Variants in LRFN2 observed in about 807,000 individuals in gnomAD.
LRFN2 encodes the protein leucine rich repeat and fibronectin type III domain containing 2.
Under a neutral mutation model 37.3 loss-of-function variants are expected in LRFN2, and 18 were observed. The ratio of observed to expected loss-of-function variants is 0.48; its 90% CI spans 0.33 to 0.72. The LOEUF (loss-of-function observed/expected upper bound fraction) is 0.72, where lower values mean the gene tolerates loss of function less well. Among genes scored for constraint, LRFN2 ranks in the 30% least tolerant of loss-of-function variants. The pLI is 0.02. For synonymous variants in LRFN2, 556 were observed against 466.6 expected, an observed-to-expected ratio of 1.19 and a Z score of -2.47; for missense variants, 1,006 against 1,060.7, an observed-to-expected ratio of 0.95 and a Z score of 0.72.
chr6:40,562,145 A>G (rs537580245), intron 1 of LRFN2, among the ~76,000 whole-genome samples: 1 of 152,330 alleles, frequency 6.6e-6, no homozygotes, highest in East Asian at 1.9e-4. Flanking sequence ...ACATGATAAG[A>G]GGCAGATGAG....
intron 1 of LRFN2, among the ~76,000 whole-genome samples, chr6:40,464,366 G>A (rs1034711617): frequency 6.6e-6 from 1 of 152,146 alleles, no homozygotes; most frequent in Non-Finnish European, 1.5e-5. Context: ...GTTGAGAGTT[G>A]GGACCTTTAA....
chr6:40,488,115 T>A (rs1002250223), intron 1 of LRFN2, among the ~76,000 whole-genome samples: 1 of 152,042 alleles, frequency 6.6e-6, no homozygotes, highest in African/African-American at 2.4e-5. Flanking sequence ...AGTCACTGGA[T>A]TGGAAAATGA....
rs1763124046 is a variant in LRFN2 at position 40,417,643 on chromosome 6, T to C, written c.1400+14071A>G. ...GGATGCTCTGCTCTGCAGGGGGAGA[T>C]CCAAAACTCCTCTCCACTCACGGCT... On this transcript the variant is annotated intron_variant, in intron 2 of 2. Transcript: ENST00000338305. Among the ~76,000 whole-genome samples, 5 of 152,000 alleles carry C rather than the reference T, an allele frequency of 3.3e-5. No individual in the cohort carries two copies. The South Asian group carries it at 1.0e-3, about 32-fold the overall frequency.
intron 1 of LRFN2, among the ~76,000 whole-genome samples, chr6:40,451,732 G>A (rs899748016): frequency 4.6e-5 from 7 of 152,136 alleles, no homozygotes; most frequent in African/African-American, 1.7e-4. Flanking sequence ...TTAGAAACAT[G>A]CCAACTCTCT....
At chr6:40,477,721 C>T (rs1764739753) in intron 1 of LRFN2, among the ~76,000 whole-genome samples, 1 of 152,168 alleles carries the variant, frequency 6.6e-6, no homozygotes. Context: ...CCACTTGTCT[C>T]CTCCTAGGAA....
At chr6:40,541,333 C>T (rs1766551420) in intron 1 of LRFN2, among the ~76,000 whole-genome samples, 1 of 152,220 alleles carries the variant, frequency 6.6e-6, no homozygotes, top group Admixed American at 6.5e-5. Context: ...TGTCCATTTT[C>T]AGTCGCCTCA....
At chr6:40,557,377 C>T (rs896163867) in intron 1 of LRFN2, among the ~76,000 whole-genome samples, 2 of 152,160 alleles carry the variant, frequency 1.3e-5, no homozygotes, top group Non-Finnish European at 2.9e-5. Flanking sequence ...AGAGATGGGG[C>T]AACCATGGTG....
intron 1 of LRFN2, among the ~76,000 whole-genome samples, chr6:40,460,051 C>T (rs1419115336): frequency 6.6e-6 from 1 of 152,152 alleles, no homozygotes; most frequent in Non-Finnish European, 1.5e-5. Flanking sequence ...TGAAGCTGGG[C>T]TCAAGGAAAA....
chr6:40,536,311 C>T (rs558252037), intron 1 of LRFN2, among the ~76,000 whole-genome samples: 3 of 152,058 alleles, frequency 2.0e-5, no homozygotes, highest in Admixed American at 6.5e-5. Flanking sequence ...CCTCAGGGAG[C>T]CCCAGTCTGA....
At chr6:40,514,463 C>T (rs893077981) in intron 1 of LRFN2, among the ~76,000 whole-genome samples, 183 of 152,056 alleles carry the variant, frequency 1.2e-3, no homozygotes, top group African/African-American at 4.3e-3. Flanking sequence ...TACATGCGTG[C>T]ACCACCACAC....
chr6:40,475,477 G>C (rs1242954656), intron 1 of LRFN2, among the ~76,000 whole-genome samples: 1 of 152,118 alleles, frequency 6.6e-6, no homozygotes, highest in African/African-American at 2.4e-5. Context: ...GGCTGGTGGG[G>C]TGTCATGAGA....
intron 1 of LRFN2, among the ~76,000 whole-genome samples, chr6:40,504,614 G>A (rs1004143998): frequency 6.6e-6 from 1 of 152,098 alleles, no homozygotes; most frequent in Admixed American, 6.5e-5. Context: ...GACAGTGAAG[G>A]TCAGAAGGAA....
At chr6:40,568,403 A>G (rs551429962) in intron 1 of LRFN2, among the ~76,000 whole-genome samples, 8 of 152,320 alleles carry the variant, frequency 5.3e-5, no homozygotes, top group Admixed American at 3.9e-4. Flanking sequence ...CTCTGCATCA[A>G]GGAGACTCTT....
intron 1 of LRFN2, among the ~76,000 whole-genome samples, chr6:40,495,042 G>A (rs1432139552): frequency 6.6e-6 from 1 of 152,172 alleles, no homozygotes; most frequent in Non-Finnish European, 1.5e-5. Context: ...GGCATCTAGA[G>A]CCCTCTAGGG....
chr6:40,509,694 G>T (rs1391675673), intron 1 of LRFN2, among the ~76,000 whole-genome samples: 1 of 151,114 alleles, frequency 6.6e-6, no homozygotes, highest in Non-Finnish European at 1.5e-5. Flanking sequence ...ATGCGTGCAG[G>T]TATGCCAAGG....
chr6:40,452,988 G>C (rs898864744), intron 1 of LRFN2, among the ~76,000 whole-genome samples: 1 of 152,246 alleles, frequency 6.6e-6, no homozygotes, highest in African/African-American at 2.4e-5. Flanking sequence ...TAAAATAAGA[G>C]TGACTCTTTG....
chr6:40,465,962 G>A (rs1406506693), intron 1 of LRFN2, among the ~76,000 whole-genome samples: 2 of 152,204 alleles, frequency 1.3e-5, no homozygotes, highest in African/African-American at 4.8e-5. Context: ...CAAGGCAGTA[G>A]TGGTGACAGA....
intron 1 of LRFN2, among the ~76,000 whole-genome samples, chr6:40,538,219 G>A (rs978506545): frequency 2.6e-5 from 4 of 152,204 alleles, no homozygotes; most frequent in Non-Finnish European, 4.4e-5. Flanking sequence ...AAGTGAGGGG[G>A]CTACCTGGGA....
rs1257442560 is a variant in LRFN2, at chr6:40,464,177, C to T, written c.-18-31046G>A. On this transcript the variant is annotated intron_variant, in intron 1 of 2. Coordinates refer to ENST00000338305, the MANE Select transcript of LRFN2 (RefSeq NM_020737.3). ...CTATTCTTTCCTTTAGACTGTGAAA[C>T]CCTCCAAAGCAAGGACTGGTGTGTT... Among the ~76,000 whole-genome samples the T allele has an allele frequency of 2.0e-5, 3 of 152,170 alleles. No homozygotes were observed. In the South Asian group the frequency reaches 6.2e-4, roughly 32 times the overall value.
Sources: allele counts gnomAD v4.1 joint callset (sites outside exome capture counted in the v4.1 genomes callset), GRCh38; gene constraint gnomAD v4.1.1; transcripts MANE v1.5; gene names NCBI Gene and HGNC (gene_info 2026-07-23, HGNC 2026-07-21).